The following ULK1 variants were observed in gnomAD, a reference collection of about 807,000 sequenced individuals.
ULK1 encodes serine/threonine-protein kinase ULK1.
ULK1 carries 48 observed loss-of-function variants against 117.5 expected under a neutral mutation model. The observed-to-expected ratio is 0.41, with a 90% CI of 0.32 to 0.52. ULK1 has a LOEUF of 0.52. ULK1 is among the 20% of genes least tolerant of loss of function. The pLI is 0.29. For missense variants in ULK1, 1,387 were observed against 1,473.4 expected (o/e 0.94, Z 0.96); for synonymous variants, 790 against 637.8 (o/e 1.24, Z -3.60).
At chr12:131,896,121 G>A (rs1028795395) in intron 3 of ULK1, among the ~76,000 whole-genome samples, 2 of 152,170 alleles carry the variant, frequency 1.3e-5, no homozygotes, top group East Asian at 3.9e-4. Flanking sequence ...GCCTGAGTCC[G>A]GCGTCCCCGG....
At position 131,914,546 on chromosome 12, in the gene ULK1, C is replaced by T. The variant is rs952295300; in HGVS notation, c.1373+69C>T. ...GTGTGGCAGGAGCCCTTCCACGGCTCCCATAGAGGGACAGGGTCGTCATCC... is the reference window on the plus strand; with the variant it reads ...GTGTGGCAGGAGCCCTTCCACGGCTTCCATAGAGGGACAGGGTCGTCATCC... On this transcript the variant is annotated intron_variant, in intron 16 of 27. Transcript: ENST00000321867. 4 of 1,550,676 alleles carry T rather than the reference C, an allele frequency of 2.6e-6. 1 individual carries two copies. The highest frequency in any genetic ancestry group is 3.5e-6 in the Non-Finnish European group (4 of 1,144,646).
At chr12:131,901,227 T>C (rs1488915122) in intron 3 of ULK1, among the ~76,000 whole-genome samples, 2 of 151,176 alleles carry the variant, frequency 1.3e-5, no homozygotes, top group Non-Finnish European at 1.5e-5. Context: ...GGCGTGGTGG[T>C]GGGCGCCTGT....
chr12:131,915,609 C>T (rs1024091861), intron 18 of ULK1, among the ~76,000 whole-genome samples, 188 bp downstream of exon 18: 6 of 152,196 alleles, frequency 3.9e-5, no homozygotes, highest in Non-Finnish European at 8.8e-5. Flanking sequence ...CCCTCTGTGC[C>T]AGTCTTCTGT....
Position 131,917,431 on chromosome 12 carries a change from G to C in ULK1, c.2203G>C (p.Gly735Arg), listed in dbSNP as rs750342112. Residue 735 changes from glycine to arginine, a missense_variant, in exon 22 of 28, where the codon GGG (glycine) becomes CGG (arginine). By Grantham distance (125) the Gly-to-Arg change is moderately radical. Coordinates refer to ENST00000321867, the MANE Select transcript of ULK1 (RefSeq NM_003565.4). Reference sequence around the variant, plus strand: ...CCCAGCACCCTCAGCTGGCTTTGGAGGGAGCCTGCACCCAGGAGCCCGTGC... The same window carrying C: ...CCCAGCACCCTCAGCTGGCTTTGGACGGAGCCTGCACCCAGGAGCCCGTGC... ...MEIAPSAGFG[G>R]SLHPGARAGG... The C allele has an allele frequency of 7.8e-6, 12 of 1,541,762 alleles. No homozygotes were observed. The South Asian group carries it at 1.4e-4, about 19-fold the overall frequency.
rs765266378 is a variant in ULK1 at position 131,913,698 on chromosome 12, G to GCC, written c.1158-46_1158-45dup. On this transcript the variant is annotated intron_variant, in intron 14 of 27. Coordinates refer to ENST00000321867, the MANE Select transcript of ULK1 (RefSeq NM_003565.4). Reference sequence around the variant, plus strand: ...CCAGCCTGGGTGACAGAGTGAGACTGCCCCAAAAAAAACAAAAAAATGCCC... The same window carrying GCC: ...CCAGCCTGGGTGACAGAGTGAGACTGCCCCCCAAAAAAAACAAAAAAATGCCC... 2.3e-6 allele frequency: 3 copies of GCC among 1,285,280 alleles called. No homozygotes were observed. In the African/African-American group the frequency reaches 4.8e-5, roughly 21 times the overall value. 79.6% of individuals were successfully genotyped at this position (1,285,280 alleles called of 1,614,324 possible).
chr12:131,912,863 G>A (rs777586932), intron 13 of ULK1, among the ~76,000 whole-genome samples: 5 of 152,126 alleles, frequency 3.3e-5, no homozygotes, highest in Non-Finnish European at 7.4e-5. Flanking sequence ...TAGGGCTGTA[G>A]ATGCCTGACC....
Position 131,914,462 on chromosome 12 carries a change from A to G in ULK1, c.1358A>G (p.Gln453Arg). 6.2e-7 allele frequency: 1 copy of G among 1,612,590 alleles called. No individual in the cohort carries two copies. The highest frequency in any genetic ancestry group is 8.5e-7 in the Non-Finnish European group (1 of 1,179,842). The change falls in exon 16 of 28, where the codon CAG becomes CGG. Residue 453 changes from glutamine to arginine, a missense_variant. Coordinates refer to ENST00000321867, the MANE Select transcript of ULK1 (RefSeq NM_003565.4). ...RIERNLQSPTQFQTPRSSAIR... is the reference protein window; with the variant it reads ...RIERNLQSPTRFQTPRSSAIR... Reference sequence around the variant, plus strand: ...GAGCGAAACCTGCAGTCACCCACCCAGTTCCAAACACCTCGGTGAGTGTGG... The same window carrying G: ...GAGCGAAACCTGCAGTCACCCACCCGGTTCCAAACACCTCGGTGAGTGTGG...
At chr12:131,904,336 T>TG (rs1173206616) in intron 3 of ULK1, among the ~76,000 whole-genome samples, 2 of 152,130 alleles carry the variant, frequency 1.3e-5, no homozygotes, top group Non-Finnish European at 2.9e-5. Context: ...TTTGTAGAGA[T>TG]GGGGTTTTGC....
Position 131,913,839 on chromosome 12 carries a change from A to T in ULK1, c.1247+3A>T. ...AGCAGCTCCCCCAGTCCCTCAGGGT[A>T]AGCAGGGCCCCAGGCTGGGTGGATG... On this transcript the variant is annotated splice_donor_region_variant and intron_variant, in intron 15 of 27. Transcript: ENST00000321867. The T allele has an allele frequency of 6.6e-7, 1 of 1,522,092 alleles. No individual in the cohort carries two copies. The highest frequency in any genetic ancestry group is 1.3e-5 in the South Asian group (1 of 79,186). 94.3% of individuals were successfully genotyped at this position (1,522,092 alleles called of 1,614,324 possible).
Position 131,921,171 on chromosome 12 carries a change from G to A in ULK1, c.3033G>A (p.Leu1011=), listed in dbSNP as rs762535619. 7 of 1,605,648 alleles carry A rather than the reference G, an allele frequency of 4.4e-6. No individual in the cohort carries two copies. The highest frequency in any genetic ancestry group is 1.3e-5 in the African/African-American group (1 of 75,052). Residue 1011 remains leucine, a synonymous_variant, in exon 27 of 28, where the codon CTG becomes CTA. Transcript: ENST00000321867. ...EGCVPRYHKA[L]LLLEGLQHML... ...GCGTCCCACGCTACCACAAGGCCCT[G>A]CTGCTCCTGGAGGGGCTGCAGCACA...
In ULK1 at chr12:131,908,786, C is replaced by G; in HGVS notation, c.459C>G (p.Arg153=). The G allele has an allele frequency of 3.7e-6, 6 of 1,607,258 alleles. No homozygotes were observed. Among genetic ancestry groups the G allele is most frequent in the Non-Finnish European group, 5.1e-6 (6 of 1,177,688 alleles). ...TGCTGTCCAACCCCGCCGGCCGCCG[C>G]GCCAACCCCAACAGCATCCGCGTCA... ...NILLSNPAGR[R]ANPNSIRVKI... Residue 153 remains arginine (R), a synonymous_variant, in exon 6 of 28, where the codon CGC becomes CGG. Coordinates refer to ENST00000321867, the MANE Select transcript of ULK1 (RefSeq NM_003565.4).
chr12:131,908,069 C>T (rs1251990837), intron 5 of ULK1, among the ~76,000 whole-genome samples: 1 of 147,024 alleles, frequency 6.8e-6, no homozygotes, highest in Non-Finnish European at 1.5e-5. Context: ...GGGACAGTTC[C>T]GGGGACTTGG....
rs767173933 is a variant in ULK1 at position 131,917,472 on chromosome 12, C to T, written c.2244C>T (p.Ser748=). ...HPGARAGGTS[S]PSPVVFTVGS... is the part of the protein sequence containing the mutation. ...GAGCCCGTGCTGGGGGCACCAGCAG[C>T]CCTTCCCCGGTGGTCTTCACCGTGG... is the stretch of plus-strand genomic sequence containing the variant. Residue 748 remains serine (S), a synonymous_variant, in exon 22 of 28, where the codon AGC becomes AGT. Coordinates refer to ENST00000321867, the MANE Select transcript of ULK1 (RefSeq NM_003565.4). The T allele has an allele frequency of 4.6e-6, 7 of 1,525,132 alleles. No homozygotes were observed. In the South Asian group the frequency reaches 8.7e-5, roughly 19 times the overall value. 94.5% of individuals were successfully genotyped at this position (1,525,132 alleles called of 1,614,324 possible).
rs1427179026 is a variant in ULK1, at chr12:131,921,905, G to C, written c.*544G>C. On this transcript the variant is annotated 3_prime_UTR_variant, in exon 28 of 28. Transcript: ENST00000321867. The stretch of plus-strand genomic sequence containing the variant: ...TGCTGGGCAGCGATTCCTGGCAGTG[G>C]CCTGGTGTTTGTACATACACATATG... The C allele has an allele frequency of 2.2e-6, 1 of 457,214 alleles. No homozygotes were observed. Among genetic ancestry groups the C allele is most frequent in the Non-Finnish European group, 4.4e-6 (1 of 227,456 alleles). 28.3% of individuals were successfully genotyped at this position (457,214 alleles called of 1,614,324 possible). A position where few individuals can be genotyped will look rare whatever the true frequency, so the allele number is the denominator to read the frequency against.
At chr12:131,897,091 A>C (rs986249547) in intron 3 of ULK1, 2 of 152,292 alleles carry the variant, frequency 1.3e-5, no homozygotes, top group South Asian at 2.1e-4. Flanking sequence ...CACTTCCTCC[A>C]GTGTTGGCAA....
At chr12:131,918,893 AGG>A (rs1890007767) in intron 23 of ULK1, among the ~76,000 whole-genome samples, 1 of 6,108 alleles carries the variant, frequency 1.6e-4, no homozygotes, top group Non-Finnish European at 3.0e-4. Context: ...TGTGGGGTGT[AGG>A]GTGTGGGGTG....
Position 131,921,570 on chromosome 12 carries a change from C to T in ULK1, c.*209C>T. Reference sequence around the variant, plus strand: ...AGCCACACAGCTTGGGGGGTGTCTCCCATCTTTTACAGGTGGGGATCACAG... The same window carrying T: ...AGCCACACAGCTTGGGGGGTGTCTCTCATCTTTTACAGGTGGGGATCACAG... On this transcript the variant is annotated 3_prime_UTR_variant, in exon 28 of 28. Transcript: ENST00000321867. 1 of 706,986 alleles carries T rather than the reference C, an allele frequency of 1.4e-6. No homozygotes were observed. Among genetic ancestry groups the T allele is most frequent in the Non-Finnish European group, 2.4e-6 (1 of 425,518 alleles). The allele number at this position is 706,986 out of a possible 1,614,324, so 43.8% of individuals were successfully genotyped here. A position where few individuals can be genotyped will look rare whatever the true frequency, so the allele number is the denominator to read the frequency against.
chr12:131,913,308 C>T (rs781165736), intron 14 of ULK1, 50 bp downstream of exon 14: 84 of 1,485,104 alleles, frequency 5.7e-5, no homozygotes, highest in Non-Finnish European at 7.3e-5. Context: ...AAACTGTGGC[C>T]TTGGAAGTGG....
In ULK1 at chr12:131,913,273, C is replaced by T. The variant is rs774856070; in HGVS notation, c.1157+15C>T. ...ATGTGCAGTGGGTGAGCCCCCATCC[C>T]TTACCTCTGTATTTTAGGGGAGAGA... On this transcript the variant is annotated intron_variant, in intron 14 of 27. Coordinates refer to ENST00000321867, the MANE Select transcript of ULK1 (RefSeq NM_003565.4). 6.5e-7 allele frequency: 1 copy of T among 1,547,494 alleles called. No individual in the cohort carries two copies. Among genetic ancestry groups the T allele is most frequent in the Non-Finnish European group, 8.7e-7 (1 of 1,150,932 alleles).
Sources: gnomAD v4.1 joint callset for allele counts (sites outside exome capture counted in the v4.1 genomes callset) on GRCh38, gnomAD v4.1.1 for gene constraint, MANE v1.5 for transcripts, NCBI Gene and HGNC (gene_info 2026-07-23, HGNC 2026-07-21) for gene names.